Variants in FAM227B observed in about 807,000 individuals in gnomAD.
FAM227B encodes the protein protein FAM227B.
A neutral mutation model predicts 73.8 loss-of-function variants in FAM227B; 88 were observed. That is an observed-to-expected ratio of 1.19 (90% CI 1.00 to 1.42). The LOEUF (loss-of-function observed/expected upper bound fraction) is 1.42. Ranked by LOEUF, FAM227B falls within the 40% of genes most tolerant of loss-of-function variation. The pLI is 0.00. For synonymous variants in FAM227B, 210 were observed against 190.5 expected (o/e 1.10, Z -0.84); for missense variants, 632 against 590.9 (o/e 1.07, Z -0.72).
intron 5 of FAM227B, among the ~76,000 whole-genome samples, chr15:49,586,027 C>CT (rs1257535946): frequency 6.6e-6 from 1 of 151,964 alleles, no homozygotes; most frequent in African/African-American, 2.4e-5. Flanking sequence ...AGAAAAGGCT[C>CT]TTTTTTAAAT....
intron 11 of FAM227B, among the ~76,000 whole-genome samples, chr15:49,385,610 A>C (rs1357512275): frequency 1.3e-5 from 2 of 151,650 alleles, no homozygotes; most frequent in African/African-American, 4.8e-5. Context: ...AAAAAAAAAA[A>C]AACTAGGTAA....
At chr15:49,584,593 AT>A (rs1356359105) in intron 5 of FAM227B, among the ~76,000 whole-genome samples, 1 of 152,166 alleles carries the variant, frequency 6.6e-6, no homozygotes, top group Non-Finnish European at 1.5e-5. Flanking sequence ...TTCAGGTGAC[AT>A]TATCCTATAC....
chr15:49,396,720 C>A lies in FAM227B; in HGVS notation c.1013-25321G>T, dbSNP rs548869180. ...CCCCGAGCAGCCTAACTGGGAGGCA[C>A]CCCCCAGCAGGGGCACACTGACACC... On this transcript the variant is annotated intron_variant, in intron 11 of 15. Transcript: ENST00000299338. 3.2e-3 allele frequency among the ~76,000 whole-genome samples: 477 copies of A among 149,438 alleles called. 5 individuals are homozygous for A. The highest frequency in any genetic ancestry group is 0.011 in the South Asian group (52 of 4,658).
rs112038773 is a variant in FAM227B, at chr15:49,564,420, G to C, written c.747+3825C>G. Among the ~76,000 whole-genome samples, 1,048 of 152,288 alleles carry C rather than the reference G, an allele frequency of 6.9e-3. 20 individuals are homozygous for C. Among genetic ancestry groups the C allele is most frequent in the African/African-American group, 0.024 (1,002 of 41,562 alleles). On this transcript the variant is annotated intron_variant, in intron 9 of 15. Coordinates refer to ENST00000299338, the MANE Select transcript of FAM227B (RefSeq NM_152647.3). ...ATTAGTTCAGCCACTGTGGAAAACA[G>C]TTTAGAGATTTCTCAAATAACTTAA... is the stretch of plus-strand genomic sequence containing the variant.
At chr15:49,440,724 C>T (rs2051556992) in intron 11 of FAM227B, among the ~76,000 whole-genome samples, 2 of 151,650 alleles carry the variant, frequency 1.3e-5, no homozygotes, top group African/African-American at 4.8e-5. Flanking sequence ...CTCAGTTTGA[C>T]AGTCAGAGAC....
chr15:49,550,570 C>T (rs1338991472), intron 9 of FAM227B, among the ~76,000 whole-genome samples: 5 of 151,452 alleles, frequency 3.3e-5, no homozygotes, highest in East Asian at 2.0e-4. Context: ...TCAGACGGGG[C>T]GGCTGGGCAG....
chr15:49,343,345 T>C (rs1314784400), intron 13 of FAM227B, among the ~76,000 whole-genome samples: 1 of 152,114 alleles, frequency 6.6e-6, no homozygotes, highest in Non-Finnish European at 1.5e-5. Context: ...GTTTTGAAAA[T>C]TTCAGTTGAG....
Position 49,613,324 on chromosome 15 carries a change from C to A in FAM227B, c.51+1797G>T, listed in dbSNP as rs191695443. 3.3e-5 allele frequency among the ~76,000 whole-genome samples: 5 copies of A among 152,292 alleles called. No individual in the cohort carries two copies. In the East Asian group the frequency reaches 5.8e-4, roughly 18 times the overall value. On this transcript the variant is annotated intron_variant, in intron 2 of 15. Transcript: ENST00000299338. ...GAGGTCAACAGTACAAGAGACCAGC[C>A]TGGCCAACACGGTAAAACCCCAGTC...
intron 11 of FAM227B, among the ~76,000 whole-genome samples, chr15:49,451,889 C>T (rs939148502): frequency 2.6e-5 from 4 of 152,042 alleles, no homozygotes; most frequent in Admixed American, 6.6e-5. Context: ...ATTTTACATG[C>T]GGTTCTTCCA....
intron 3 of FAM227B, among the ~76,000 whole-genome samples, chr15:49,592,469 C>T (rs189352276): frequency 6.6e-6 from 1 of 152,340 alleles, no homozygotes; most frequent in Admixed American, 6.5e-5. Context: ...CCACTCCAGA[C>T]CCTGTTTGCC....
At chr15:49,365,381 A>G in intron 13 of FAM227B, 2 of 1,238,018 alleles carry the variant, frequency 1.6e-6, no homozygotes, top group Admixed American at 3.4e-5. Context: ...AACATAGTAT[A>G]TATACGAAGA....
chr15:49,452,033 T>A (rs1342014382), intron 11 of FAM227B, among the ~76,000 whole-genome samples: 1 of 152,062 alleles, frequency 6.6e-6, no homozygotes, highest in African/African-American at 2.4e-5. Context: ...AAAATTTGAT[T>A]CAATACCAAC....
At chr15:49,342,037 C>T (rs1437938139) in intron 13 of FAM227B, among the ~76,000 whole-genome samples, 6 of 152,094 alleles carry the variant, frequency 3.9e-5, no homozygotes, top group Non-Finnish European at 7.4e-5. Context: ...TTGTAGGTAT[C>T]TCTTATGTCC....
At chr15:49,329,271 G>T (rs2038133143) in intron 15 of FAM227B, 2 of 985,288 alleles carry the variant, frequency 2.0e-6, no homozygotes, top group Admixed American at 6.1e-5. Flanking sequence ...TGTTTGGCTG[G>T]TGATGGCAAA....
chr15:49,337,636 A>G (rs1045572637), intron 13 of FAM227B, among the ~76,000 whole-genome samples: 7 of 148,082 alleles, frequency 4.7e-5, no homozygotes, highest in Non-Finnish European at 1.0e-4. Flanking sequence ...TCAACCTGTC[A>G]TCTACATTAG....
At chr15:49,338,259 G>A (rs934860823) in intron 13 of FAM227B, among the ~76,000 whole-genome samples, 12 of 152,230 alleles carry the variant, frequency 7.9e-5, no homozygotes, top group East Asian at 5.8e-4. Context: ...TTTTTGCAGT[G>A]CCTGGTACCG....
At chr15:49,618,860 C>G (rs1191457930) in intron 1 of FAM227B, among the ~76,000 whole-genome samples, 1 of 152,120 alleles carries the variant, frequency 6.6e-6, no homozygotes, top group Non-Finnish European at 1.5e-5. Context: ...GGGTTGGGTA[C>G]TACAGGGTTT....
At chr15:49,618,612 C>G (rs73406025) in intron 1 of FAM227B, among the ~76,000 whole-genome samples, 12,069 of 152,142 alleles carry the variant, frequency 0.079, 1,314 homozygotes, top group African/African-American at 0.24. Flanking sequence ...TCACTATTGA[C>G]AGGTGAAGGG....
intron 11 of FAM227B, among the ~76,000 whole-genome samples, chr15:49,444,873 G>C (rs973858752): frequency 2.6e-5 from 4 of 151,586 alleles, no homozygotes; most frequent in African/African-American, 9.7e-5. Context: ...ATAAAGTTTA[G>C]CCTCTCTTTT....
Sources: allele counts gnomAD v4.1 joint callset (sites outside exome capture counted in the v4.1 genomes callset), GRCh38; gene constraint gnomAD v4.1.1; transcripts MANE v1.5; gene names NCBI Gene and HGNC (gene_info 2026-07-23, HGNC 2026-07-21).